Variants in QKI observed in about 807,000 individuals in gnomAD.
QKI encodes the protein KH domain-containing RNA-binding protein QKI.
Under a neutral mutation model 39.0 loss-of-function variants are expected in QKI, and 10 were observed. The observed-to-expected ratio is 0.26, with a 90% CI of 0.16 to 0.43. The LOEUF (loss-of-function observed/expected upper bound fraction) is 0.43. Among genes scored for constraint, QKI ranks in the 20% least tolerant of loss-of-function variants. The pLI, the probability that QKI is intolerant of heterozygous loss-of-function variation, is 1.00. For synonymous variants in QKI, 204 were observed against 155.4 expected (o/e 1.31, Z -2.33); for missense variants, 218 against 428.0 (o/e 0.51, Z 4.33).
intron 4 of QKI, among the ~76,000 whole-genome samples, chr6:163,560,253 C>G (rs1782911901): frequency 6.6e-6 from 1 of 152,134 alleles, no homozygotes; most frequent in African/African-American, 2.4e-5. Flanking sequence ...AAGCAATTAA[C>G]TTTGTCGATA....
intron 4 of QKI, among the ~76,000 whole-genome samples, chr6:163,545,710 T>G (rs537409317): frequency 6.6e-6 from 1 of 152,188 alleles, no homozygotes; most frequent in East Asian, 1.9e-4. Flanking sequence ...GAGGAACCGC[T>G]TCTTTCAACA....
chr6:163,429,755 T>C (rs59845233), intron 1 of QKI, among the ~76,000 whole-genome samples: 4,747 of 152,280 alleles, frequency 0.031, 242 homozygotes, highest in African/African-American at 0.11. Flanking sequence ...ATTTCATGTA[T>C]TAGTTTTTAG....
intron 3 of QKI, among the ~76,000 whole-genome samples, chr6:163,513,431 A>C (rs867604490): frequency 2.0e-5 from 3 of 152,200 alleles, no homozygotes; most frequent in African/African-American, 7.2e-5. Context: ...CAGTTCACAG[A>C]GTTTTTATTT....
At chr6:163,421,760 T>G (rs1324414445) in intron 1 of QKI, among the ~76,000 whole-genome samples, 2 of 152,006 alleles carry the variant, frequency 1.3e-5, no homozygotes, top group Admixed American at 6.6e-5. Flanking sequence ...CTTTTTTTTT[T>G]TTCAGTTGGA....
chr6:163,512,406 A>G (rs1432849973), intron 3 of QKI, among the ~76,000 whole-genome samples: 1 of 152,138 alleles, frequency 6.6e-6, no homozygotes, highest in Non-Finnish European at 1.5e-5. Context: ...ATTTTTTAAT[A>G]TAGAAAGTTC....
At chr6:163,544,235 G>A (rs1322680644) in intron 4 of QKI, among the ~76,000 whole-genome samples, 1 of 152,002 alleles carries the variant, frequency 6.6e-6, no homozygotes, top group Non-Finnish European at 1.5e-5. Context: ...GTGATATGTG[G>A]GCGTTGCATT....
chr6:163,451,070 A>T (rs1387648447), intron 1 of QKI, among the ~76,000 whole-genome samples: 1 of 152,248 alleles, frequency 6.6e-6, no homozygotes, highest in Non-Finnish European at 1.5e-5. Flanking sequence ...TGATAGATTA[A>T]TATCAGTCTG....
At chr6:163,565,305 C>G (rs1783292216) in intron 6 of QKI, 3 of 986,324 alleles carry the variant, frequency 3.0e-6, no homozygotes. Flanking sequence ...CCCACAGCAT[C>G]TGTTCCCGAG....
intron 3 of QKI, among the ~76,000 whole-genome samples, chr6:163,526,035 T>A (rs1281167653): frequency 6.6e-6 from 1 of 152,226 alleles, no homozygotes; most frequent in African/African-American, 2.4e-5. Context: ...GGAGCACTTA[T>A]TAGAAAGTCT....
intron 3 of QKI, among the ~76,000 whole-genome samples, chr6:163,502,984 T>C (rs1778866905): frequency 6.6e-6 from 1 of 152,196 alleles, no homozygotes; most frequent in Non-Finnish European, 1.5e-5. Context: ...AAATGTTCTC[T>C]TTTCCTCTTA....
intron 4 of QKI, among the ~76,000 whole-genome samples, chr6:163,555,632 G>GA (rs2128247931): frequency 6.6e-6 from 1 of 152,108 alleles, no homozygotes; most frequent in African/African-American, 2.4e-5. Flanking sequence ...GGTCTACTCG[G>GA]GGATTGTGGA....
At chr6:163,553,085 TATTTA>T (rs1782361081) in intron 4 of QKI, among the ~76,000 whole-genome samples, 1 of 112,956 alleles carries the variant, frequency 8.9e-6, no homozygotes, top group African/African-American at 3.7e-5. Context: ...TTTATTTATT[TATTTA>T]TTTATTTATT....
chr6:163,532,566 G>A (rs886340827), intron 3 of QKI, among the ~76,000 whole-genome samples: 4 of 152,178 alleles, frequency 2.6e-5, no homozygotes, highest in African/African-American at 9.6e-5. Context: ...TAGTTGTACT[G>A]GAACAATGCT....
intron 2 of QKI, among the ~76,000 whole-genome samples, chr6:163,461,985 G>C (rs991825393): frequency 6.6e-6 from 1 of 152,116 alleles, no homozygotes; most frequent in Non-Finnish European, 1.5e-5. Flanking sequence ...CAGTTTGGGC[G>C]GAAAAGTACC....
At chr6:163,566,834 G>A (rs546366164) in intron 7 of QKI, 39 bp downstream of exon 7, 11 of 1,603,904 alleles carry the variant, frequency 6.9e-6, no homozygotes, top group South Asian at 2.2e-5. Context: ...TAAGAAATGC[G>A]TTGGGTGTCC....
At chr6:163,539,513 A>T (rs922763874) in intron 4 of QKI, among the ~76,000 whole-genome samples, 1 of 152,052 alleles carries the variant, frequency 6.6e-6, no homozygotes, top group African/African-American at 2.4e-5. Flanking sequence ...CACCTCAGTC[A>T]TCCAGCCTCA....
At chr6:163,484,416 G>T (rs1431275950) in intron 3 of QKI, among the ~76,000 whole-genome samples, 1 of 152,094 alleles carries the variant, frequency 6.6e-6, no homozygotes, top group Non-Finnish European at 1.5e-5. Context: ...GGCCAGGCTA[G>T]TCTCGAACTC....
chr6:163,504,146 C>T (rs1426285250), intron 3 of QKI, among the ~76,000 whole-genome samples: 1 of 152,068 alleles, frequency 6.6e-6, no homozygotes, highest in Admixed American at 6.6e-5. Context: ...ATCTGTTCCC[C>T]ATTGCTTATT....
At chr6:163,482,951 G>T (rs1009232360) in intron 3 of QKI, among the ~76,000 whole-genome samples, 9 of 152,194 alleles carry the variant, frequency 5.9e-5, no homozygotes, top group African/African-American at 1.7e-4. Context: ...CTTGGTTAGG[G>T]TTTCTCTGGA....
Sources: allele counts gnomAD v4.1 joint callset (sites outside exome capture counted in the v4.1 genomes callset), GRCh38; gene constraint gnomAD v4.1.1; transcripts MANE v1.5; gene names NCBI Gene and HGNC (gene_info 2026-07-23, HGNC 2026-07-21).